Variants in CEP76 observed in about 807,000 individuals in gnomAD.
CEP76 encodes centrosomal protein of 76 kDa.
CEP76 carries 55 observed loss-of-function variants against 83.3 expected under a neutral mutation model. The observed-to-expected ratio is 0.66, with a 90% CI of 0.53 to 0.83. The LOEUF (loss-of-function observed/expected upper bound fraction) is 0.83. CEP76 is among the 40% of genes least tolerant of loss of function. The pLI is 0.00. For missense variants in CEP76, 694 were observed against 799.5 expected, an observed-to-expected ratio of 0.87 and a Z score of 1.59; for synonymous variants, 270 against 274.5, an observed-to-expected ratio of 0.98 and a Z score of 0.16.
At chr18:12,699,934 CA>C (rs1598667843) in intron 2 of CEP76, 29 bp from the exon 3 acceptor site, 1 of 1,431,558 alleles carries the variant, frequency 7.0e-7, no homozygotes, top group Non-Finnish European at 9.5e-7. Flanking sequence ...AAAATCAAAA[CA>C]AATTAGAAAA....
intron 5 of CEP76, among the ~76,000 whole-genome samples, chr18:12,696,425 C>G (rs952080827): frequency 6.6e-6 from 1 of 152,068 alleles, no homozygotes; most frequent in Non-Finnish European, 1.5e-5. Flanking sequence ...ATCGCTTGAA[C>G]CCAGGAGGCG....
At chr18:12,676,373 TC>T (rs1248430808) in intron 10 of CEP76, among the ~76,000 whole-genome samples, 1 of 141,274 alleles carries the variant, frequency 7.1e-6, no homozygotes, top group African/African-American at 2.6e-5. Flanking sequence ...AACCTCTGCC[TC>T]CCCGGCTCCT....
chr18:12,680,728 T>C lies in CEP76; in HGVS notation c.1223A>G (p.His408Arg). The C allele has an allele frequency of 6.2e-7, 1 of 1,613,644 alleles. No homozygotes were observed. The highest frequency in any genetic ancestry group is 8.5e-7 in the Non-Finnish European group (1 of 1,179,806). ...AGTTCCACAAGTCATAACCCATGCA[T>C]GAGGTACTCCTTTTGCCTTGGTCCC... ...CVGTKAKGVP[H>R]AWVMTCGTDG... is the part of the protein sequence containing the mutation. Residue 408 changes from histidine to arginine, a missense_variant, in exon 9 of 12, where the codon CAT becomes CGT. Transcript: ENST00000262127.
downstream of CEP76, among the ~76,000 whole-genome samples, chr18:12,670,080 G>A (rs934158857): frequency 6.7e-5 from 10 of 149,896 alleles, no homozygotes; most frequent in African/African-American, 1.5e-4. Flanking sequence ...CTGTAATCCC[G>A]GCACTTGGGG....
intron 7 of CEP76, among the ~76,000 whole-genome samples, chr18:12,687,547 G>C (rs1279203974): frequency 6.6e-6 from 1 of 151,388 alleles, no homozygotes. Flanking sequence ...TCCGCCCATG[G>C]GTTCAAGCGA....
At chr18:12,702,730 CCGGCGG>C (rs1170610508), upstream of CEP76, 4 of 650,756 alleles carry the variant, frequency 6.1e-6, no homozygotes, top group Non-Finnish European at 1.0e-5. Context: ...AAATGAGGCC[CCGGCGG>C]CGGCGGCGCC....
chr18:12,680,886 C>T (rs1325471448), intron 8 of CEP76, 58 bp from the exon 9 acceptor site: 1 of 1,408,664 alleles, frequency 7.1e-7, no homozygotes, highest in East Asian at 2.4e-5. Flanking sequence ...TCATTACATA[C>T]TTAAATACTA....
chr18:12,674,721 C>T lies in CEP76; in HGVS notation c.1656G>A (p.Gln552=). Residue 552 remains glutamine (Q), a synonymous_variant, in exon 11 of 12, where the codon CAG becomes CAA. Coordinates refer to ENST00000262127, the MANE Select transcript of CEP76 (RefSeq NM_024899.4). ...AAGCTGGTGATAAAAGGTAGGAGAG[C>T]TGGTCTTCCCAAACAGTAGTGAGGC... The part of the protein sequence containing the change: ...DLGLTTVWED[Q]LSYLLSPALA... 6.2e-7 allele frequency: 1 copy of T among 1,613,960 alleles called. No homozygotes were observed. The highest frequency in any genetic ancestry group is 8.5e-7 in the Non-Finnish European group (1 of 1,179,976).
Position 12,695,347 on chromosome 18 carries a change from T to A in CEP76, c.711A>T (p.Thr237=). The A allele has an allele frequency of 6.8e-7, 1 of 1,467,776 alleles. No individual in the cohort carries two copies. Among genetic ancestry groups the A allele is most frequent in the Non-Finnish European group, 9.4e-7 (1 of 1,060,342 alleles). 90.9% of individuals were successfully genotyped at this position (1,467,776 alleles called of 1,614,324 possible). A position where few individuals can be genotyped will look rare whatever the true frequency, so the allele number is the denominator to read the frequency against. The part of the protein sequence containing the change: ...SLTVELMGVG[T]ESKVSVGILN... ...AAATTCCCACAGAAACTTTTGATTC[T>A]GTGCCTATAAACATAAATATTTTGA... The change falls in exon 6 of 12, where the codon ACA becomes ACT. Residue 237 remains threonine, a synonymous_variant. Transcript: ENST00000262127.
chr18:12,665,393 G>A (rs112444730), intron 12 of CEP76, among the ~76,000 whole-genome samples: 2,172 of 152,144 alleles, frequency 0.014, 62 homozygotes, highest in African/African-American at 0.05. Flanking sequence ...TGCCTTATAT[G>A]TATACTTGTG....
intron 12 of CEP76, among the ~76,000 whole-genome samples, chr18:12,662,770 T>C (rs2038721631): frequency 6.6e-6 from 1 of 152,138 alleles, no homozygotes; most frequent in Admixed American, 6.6e-5. Flanking sequence ...GAGTGAGACC[T>C]TGTCTCAAAA....
chr18:12,702,297 G>T, intron 1 of CEP76, 189 bp downstream of exon 1: 1 of 552,206 alleles, frequency 1.8e-6, no homozygotes, highest in Non-Finnish European at 3.2e-6. Context: ...TGCTCGGCTC[G>T]TTTTCTTTCT....
intron 12 of CEP76, among the ~76,000 whole-genome samples, chr18:12,664,311 A>C (rs1222872541): frequency 6.6e-6 from 1 of 152,184 alleles, no homozygotes; most frequent in African/African-American, 2.4e-5. Context: ...TGAGAGGCCG[A>C]GAAGGGTGGA....
At chr18:12,681,602 A>G (rs924516071) in intron 8 of CEP76, among the ~76,000 whole-genome samples, 3 of 152,228 alleles carry the variant, frequency 2.0e-5, no homozygotes, top group South Asian at 4.1e-4. Flanking sequence ...CAAGCAAACA[A>G]GTCATACAGC....
In CEP76 at chr18:12,672,793, T is replaced by TA; in HGVS notation, c.*571dup. 1 of 981,328 alleles carries TA rather than the reference T, an allele frequency of 1.0e-6. No homozygotes were observed. The highest frequency in any genetic ancestry group is 1.2e-6 in the Non-Finnish European group (1 of 826,066). 60.8% of individuals were successfully genotyped at this position (981,328 alleles called of 1,614,324 possible). ...ATTAATATTTATGCTTTTCTGGTATTAGTTTTTTCCTACTCTTGCTTCAAG... is the reference window on the plus strand; with the variant it reads ...ATTAATATTTATGCTTTTCTGGTATTAAGTTTTTTCCTACTCTTGCTTCAAG... On this transcript the variant is annotated 3_prime_UTR_variant, in exon 12 of 12. Coordinates refer to ENST00000262127, the MANE Select transcript of CEP76 (RefSeq NM_024899.4).
chr18:12,664,162 T>C (rs1314181039), intron 12 of CEP76, among the ~76,000 whole-genome samples: 2 of 132,006 alleles, frequency 1.5e-5, no homozygotes, highest in Non-Finnish European at 3.5e-5. Context: ...CGAAACTCCA[T>C]CTCAAAAGAA....
At chr18:12,685,253 G>C (rs1158346400) in intron 8 of CEP76, 3 of 152,034 alleles carry the variant, frequency 2.0e-5, no homozygotes, top group Non-Finnish European at 4.4e-5. Context: ...ACCCACCTCT[G>C]CCTCCCAAAG....
intron 8 of CEP76, among the ~76,000 whole-genome samples, chr18:12,682,158 ATTTC>A (rs2039373683): frequency 6.6e-6 from 1 of 151,900 alleles, no homozygotes; most frequent in Non-Finnish European, 1.5e-5. Flanking sequence ...GAATGAAGAA[ATTTC>A]TTTTTTTTTT....
In CEP76 at chr18:12,702,658, G is replaced by A; in HGVS notation, c.-110C>T. ...AGCGACTGGAGCACAAAGCGCCGCAGCCGTTCGCCTAGCGCAGCTCCCGGG... is the reference window on the plus strand; with the variant it reads ...AGCGACTGGAGCACAAAGCGCCGCAACCGTTCGCCTAGCGCAGCTCCCGGG... On this transcript the variant is annotated 5_prime_UTR_variant, in exon 1 of 12. Transcript: ENST00000262127. 2.3e-6 allele frequency: 3 copies of A among 1,280,058 alleles called. No homozygotes were observed. Among genetic ancestry groups the A allele is most frequent in the Non-Finnish European group, 2.1e-6 (2 of 942,602 alleles). The allele number at this position is 1,280,058 out of a possible 1,614,324, so 79.3% of individuals were successfully genotyped here.
Sources: allele counts gnomAD v4.1 joint callset (sites outside exome capture counted in the v4.1 genomes callset), GRCh38; gene constraint gnomAD v4.1.1; transcripts MANE v1.5; gene names NCBI Gene and HGNC (gene_info 2026-07-23, HGNC 2026-07-21).